CIT: variants seen among roughly 807,000 people sequenced by gnomAD.
CIT encodes the protein citron rho-interacting serine/threonine kinase, also known as citron Rho-interacting kinase.
In CIT, 79 loss-of-function variants were observed where a neutral mutation model predicts 272.7. The ratio of observed to expected loss-of-function variants is 0.29; its 90% CI spans 0.24 to 0.35. The LOEUF (loss-of-function observed/expected upper bound fraction) is 0.35. Among genes scored for constraint, CIT ranks in the 10% least tolerant of loss-of-function variants. CIT has a pLI of 1.00. For synonymous variants in CIT, 948 were observed against 995.6 expected (o/e 0.95, Z 0.90); for missense variants, 1,909 against 2,618.3 (o/e 0.73, Z 5.91).
intron 9 of CIT, among the ~76,000 whole-genome samples, chr12:119,814,286 T>G (rs1190123257): frequency 6.6e-6 from 1 of 152,162 alleles, no homozygotes; most frequent in Non-Finnish European, 1.5e-5. Context: ...TTGGCCTATT[T>G]TTTCTTACCA....
chr12:119,757,610 CG>C, intron 21 of CIT, 65 bp from the exon 22 acceptor site: 1 of 1,594,396 alleles, frequency 6.3e-7, no homozygotes, highest in Non-Finnish European at 8.6e-7. Flanking sequence ...CCCGTTTCCA[CG>C]GGAGGTAGAC....
At chr12:119,727,050 G>C (rs541412195) in intron 28 of CIT, among the ~76,000 whole-genome samples, 2 of 152,082 alleles carry the variant, frequency 1.3e-5, no homozygotes, top group African/African-American at 4.8e-5. Context: ...ATGTCCTATC[G>C]GCATGAAACT....
At chr12:119,837,949 T>C (rs1361711975) in intron 5 of CIT, among the ~76,000 whole-genome samples, 1 of 152,136 alleles carries the variant, frequency 6.6e-6, no homozygotes, top group Non-Finnish European at 1.5e-5. Context: ...CTCATCTAAA[T>C]CAATACTTGA....
chr12:119,840,211 A>C (rs1969315249), intron 5 of CIT, among the ~76,000 whole-genome samples: 1 of 152,190 alleles, frequency 6.6e-6, no homozygotes, highest in African/African-American at 2.4e-5. Flanking sequence ...CCAGCTACTC[A>C]GGAGGGTGAG....
chr12:119,804,388 C>T lies in CIT; in HGVS notation c.1112-999G>A, dbSNP rs1261571664. 1.0e-6 allele frequency: 1 copy of T among 985,494 alleles called. No homozygotes were observed. The highest frequency in any genetic ancestry group is 1.7e-5 in the African/African-American group (1 of 57,258). The allele number at this position is 985,494 out of a possible 1,614,324, so 61.0% of individuals were successfully genotyped here. On this transcript the variant is annotated intron_variant, in intron 9 of 47. Coordinates refer to ENST00000392521, the MANE Select transcript of CIT (RefSeq NM_001206999.2). This position sits in a 1 kb window ranked among gnomAD's most constrained non-coding sequence, Gnocchi z 5.3. Reference sequence around the variant, plus strand: ...GGCGAGTTAGAGCCGAGCATCACATCCCCCGCAGTGCAGGCTGCATGCTCC... The same window carrying T: ...GGCGAGTTAGAGCCGAGCATCACATTCCCCGCAGTGCAGGCTGCATGCTCC...
chr12:119,729,036 C>T (rs924149296), intron 27 of CIT, among the ~76,000 whole-genome samples: 2 of 152,162 alleles, frequency 1.3e-5, no homozygotes, highest in Non-Finnish European at 2.9e-5. Flanking sequence ...ACTGCTCTGT[C>T]AGCTTATAAG....
chr12:119,768,998 C>A lies in CIT; in HGVS notation c.2208+1787G>T, dbSNP rs368325323. Among the ~76,000 whole-genome samples, 1 of 152,070 alleles carries A rather than the reference C, an allele frequency of 6.6e-6. No homozygotes were observed. Among genetic ancestry groups the A allele is most frequent in the Non-Finnish European group, 1.5e-5 (1 of 68,024 alleles). ...TGAAGTCACAACCACAAAGGTACTC[C>A]GGCGGGTGGCAAGATACACTCGGAC... On this transcript the variant is annotated intron_variant, in intron 18 of 47. Transcript: ENST00000392521. This position sits in a 1 kb window ranked among gnomAD's most constrained non-coding sequence, Gnocchi z 4.3.
chr12:119,850,867 G>A (rs1224254511), intron 4 of CIT, among the ~76,000 whole-genome samples: 2 of 152,284 alleles, frequency 1.3e-5, no homozygotes, highest in Non-Finnish European at 2.9e-5. Context: ...AGACATCCAC[G>A]TGAAAGGGCA....
chr12:119,801,087 A>G (rs1427463489), intron 10 of CIT, among the ~76,000 whole-genome samples: 1 of 152,264 alleles, frequency 6.6e-6, no homozygotes, highest in Non-Finnish European at 1.5e-5. Flanking sequence ...CTCTGATGCC[A>G]TCGTCCAAAT....
chr12:119,727,749 G>A (rs548131632), intron 28 of CIT, among the ~76,000 whole-genome samples: 2 of 151,772 alleles, frequency 1.3e-5, no homozygotes, highest in African/African-American at 2.4e-5. Context: ...AGCAACATGG[G>A]GAAACCCCAT....
At chr12:119,735,721 A>G (rs900991915) in intron 24 of CIT, among the ~76,000 whole-genome samples, 4 of 152,258 alleles carry the variant, frequency 2.6e-5, no homozygotes, top group African/African-American at 9.6e-5. Context: ...ATCACCATCC[A>G]CTAATTAAGC....
At chr12:119,829,669 G>A (rs73418556) in intron 7 of CIT, among the ~76,000 whole-genome samples, 2,569 of 152,274 alleles carry the variant, frequency 0.017, 77 homozygotes, top group African/African-American at 0.059. Context: ...AGAGCCAAAT[G>A]AGACAGATTG....
chr12:119,847,142 A>C (rs1969864953), intron 5 of CIT, among the ~76,000 whole-genome samples: 1 of 151,974 alleles, frequency 6.6e-6, no homozygotes. Context: ...CCGCCACCAT[A>C]CCTGCCTAAT....
Position 119,803,191 on chromosome 12 carries a change from C to CA in CIT, c.1295+14dup, listed in dbSNP as rs760577390. The stretch of plus-strand genomic sequence containing the variant: ...ATCAATGCAGGTCCCTTTAGAAAGT[C>CA]AAATTTTCACTTACTCAGATCTACC... On this transcript the variant is annotated intron_variant, in intron 10 of 47. Coordinates refer to ENST00000392521, the MANE Select transcript of CIT (RefSeq NM_001206999.2). 26 of 1,237,646 alleles carry CA rather than the reference C, an allele frequency of 2.1e-5. No individual in the cohort carries two copies. The South Asian group carries it at 3.7e-4, about 18-fold the overall frequency. 76.7% of individuals were successfully genotyped at this position (1,237,646 alleles called of 1,614,324 possible).
chr12:119,827,952 C>A (rs1341841475), intron 7 of CIT, among the ~76,000 whole-genome samples: 1 of 152,144 alleles, frequency 6.6e-6, no homozygotes, highest in African/African-American at 2.4e-5. Flanking sequence ...ATATTCAGTT[C>A]TCCTTATTTG....
intron 16 of CIT, 45 bp from the exon 17 acceptor site, chr12:119,772,955 A>G (rs1963335797): frequency 6.4e-7 from 1 of 1,567,454 alleles, no homozygotes; most frequent in Non-Finnish European, 8.6e-7. Context: ...AAATTTATTC[A>G]TATAAAAAGA....
intron 37 of CIT, among the ~76,000 whole-genome samples, chr12:119,711,960 C>A (rs888322786): frequency 1.1e-4 from 16 of 152,150 alleles, no homozygotes; most frequent in Non-Finnish European, 2.4e-4. Flanking sequence ...TCCCTGATTC[C>A]CACATTCTAA....
At chr12:119,735,571 C>T (rs568950215) in intron 24 of CIT, among the ~76,000 whole-genome samples, 1 of 152,160 alleles carries the variant, frequency 6.6e-6, no homozygotes, top group Non-Finnish European at 1.5e-5. Flanking sequence ...CTCAGTTTCT[C>T]TCTAACTCAG....
intron 26 of CIT, among the ~76,000 whole-genome samples, chr12:119,730,945 T>C (rs928075533): frequency 2.6e-5 from 4 of 151,946 alleles, no homozygotes; most frequent in African/African-American, 9.7e-5. Context: ...CTGGCCAACG[T>C]GGTGAAATCC....
Sources: allele counts gnomAD v4.1 joint callset (sites outside exome capture counted in the v4.1 genomes callset), GRCh38; gene constraint gnomAD v4.1.1; non-coding constraint Gnocchi (gnomAD v3.1); transcripts MANE v1.5; gene names NCBI Gene and HGNC (gene_info 2026-07-23, HGNC 2026-07-21).